The following GOPC variants were observed in gnomAD, a reference collection of about 807,000 sequenced individuals.
GOPC encodes golgi associated PDZ and coiled-coil motif containing.
Under a neutral mutation model 51.2 loss-of-function variants are expected in GOPC, and 32 were observed. The ratio of observed to expected loss-of-function variants is 0.63; its 90% CI spans 0.47 to 0.84. The LOEUF is 0.84. Among genes scored for constraint, GOPC ranks in the 40% least tolerant of loss-of-function variants. GOPC has a pLI of 0.00. For synonymous variants in GOPC, 190 were observed against 205.1 expected, an observed-to-expected ratio of 0.93 and a Z score of 0.63; for missense variants, 441 against 555.5, an observed-to-expected ratio of 0.79 and a Z score of 2.07.
chr6:117,573,505 T>C lies in GOPC; in HGVS notation c.778A>G (p.Asn260Asp). 1 of 1,614,076 alleles carries C rather than the reference T, an allele frequency of 6.2e-7. No homozygotes were observed. Among genetic ancestry groups the C allele is most frequent in the Non-Finnish European group, 8.5e-7 (1 of 1,179,964 alleles). Residue 260 changes from asparagine to aspartate, a missense_variant, in exon 5 of 9, where the codon AAT becomes GAT. This residue lies in a region of GOPC where 166 missense variants were observed against 267.0 expected (regional missense o/e 0.62). Coordinates refer to ENST00000368498, the MANE Select transcript of GOPC (RefSeq NM_020399.4). Reference protein sequence around the residue: ...KTVIRACRGRNDLKRPMQAPP... With the variant: ...KTVIRACRGRDDLKRPMQAPP... ...GCTTGCATTGGTCGTTTCAAGTCAT[T>C]ACGTCCTCTGCAGGCTCGGATCACA... is the stretch of plus-strand genomic sequence containing the variant.
In GOPC at chr6:117,598,207, A is replaced by T. The variant is rs550235946; in HGVS notation, c.285+3797T>A. 5.5e-4 allele frequency among the ~76,000 whole-genome samples: 83 copies of T among 151,464 alleles called. No individual in the cohort carries two copies. The South Asian group carries it at 7.1e-3, about 13-fold the overall frequency. ...AACCCCATCTCTACTAAAAAAAAAA[A>T]AAAATAAAATAGAAAAATTAGCTGA... On this transcript the variant is annotated intron_variant, in intron 1 of 8. Coordinates refer to ENST00000368498, the MANE Select transcript of GOPC (RefSeq NM_020399.4).
intron 1 of GOPC, 73 bp from the exon 2 acceptor site, chr6:117,579,137 G>C: frequency 8.2e-7 from 1 of 1,213,690 alleles, no homozygotes. Flanking sequence ...TGTTATTCAA[G>C]AATGACAACA....
At chr6:117,594,953 TA>T (rs1780172252) in intron 1 of GOPC, among the ~76,000 whole-genome samples, 1 of 152,310 alleles carries the variant, frequency 6.6e-6, no homozygotes, top group Admixed American at 6.5e-5. Flanking sequence ...CTAGTATTAC[TA>T]TTCCTACTGT....
At chr6:117,586,639 T>A (rs941716290) in intron 1 of GOPC, among the ~76,000 whole-genome samples, 1 of 151,672 alleles carries the variant, frequency 6.6e-6, no homozygotes, top group Non-Finnish European at 1.5e-5. Context: ...CCACCACCAC[T>A]CCCAGCTAAT....
chr6:117,576,724 G>A (rs1219167325), intron 3 of GOPC, among the ~76,000 whole-genome samples: 1 of 152,016 alleles, frequency 6.6e-6, no homozygotes, highest in African/African-American at 2.4e-5. Context: ...AGGTAAGCAA[G>A]AATAAGATGA....
chr6:117,589,397 G>A lies in GOPC; in HGVS notation c.286-10333C>T, dbSNP rs1261164700. ...TGCAATGGTGCAATCTCGGCTCACT[G>A]CAACCTCCACCTCCCGGGTTCAAGT... On this transcript the variant is annotated intron_variant, in intron 1 of 8. Transcript: ENST00000368498. Among the ~76,000 whole-genome samples the A allele has an allele frequency of 1.1e-3, 161 of 152,334 alleles. 4 individuals are homozygous for A. Among genetic ancestry groups the A allele is most frequent in the Non-Finnish European group, 8.8e-5 (6 of 68,036 alleles).
rs758189157 is a variant in GOPC, at chr6:117,578,934, T to C, written c.416A>G (p.Gln139Arg). 5 of 1,607,452 alleles carry C rather than the reference T, an allele frequency of 3.1e-6. No homozygotes were observed. In the African/African-American group the frequency reaches 6.7e-5, roughly 22 times the overall value. The part of the protein sequence containing the change: ...IQLQLHAKTG[Q>R]SADSGTIKAK... ...CTTAATGGTACCAGAGTCAGCACTT[T>C]GACCAGTTTTAGCATGAAGCTGCAG... is the stretch of plus-strand genomic sequence containing the variant. Residue 139 changes from glutamine (Q) to arginine (R), a missense_variant, in exon 2 of 9, where the codon CAA (glutamine) becomes CGA (arginine). Transcript: ENST00000368498.
intron 2 of GOPC, among the ~76,000 whole-genome samples, chr6:117,578,377 T>C (rs955538029): frequency 6.6e-6 from 1 of 152,134 alleles, no homozygotes; most frequent in African/African-American, 2.4e-5. Context: ...TTAATCCTTC[T>C]TCCTGCCTGA....
At chr6:117,563,981 T>C (rs990149864) in intron 8 of GOPC, among the ~76,000 whole-genome samples, 5 of 151,718 alleles carry the variant, frequency 3.3e-5, no homozygotes, top group African/African-American at 1.2e-4. Flanking sequence ...TTTTTTTTTT[T>C]TCTTTTTTTT....
In GOPC at chr6:117,563,289, C is replaced by T; in HGVS notation, c.1354G>A (p.Asp452Asn). The T allele has an allele frequency of 6.2e-7, 1 of 1,613,112 alleles. No individual in the cohort carries two copies. The highest frequency in any genetic ancestry group is 8.5e-7 in the Non-Finnish European group (1 of 1,179,226). ...TTTTTATGATACAGAGTGTGCAGATCATCTAATTTTGAAGCACCGTCATCT... is the reference window on the plus strand; with the variant it reads ...TTTTTATGATACAGAGTGTGCAGATTATCTAATTTTGAAGCACCGTCATCT... ...PLDDGASKLDDLHTLYHKKSY is the reference protein window; with the variant it reads ...PLDDGASKLDNLHTLYHKKSY The change falls in exon 9 of 9, where the codon GAT becomes AAT. Residue 452 changes from aspartate (D) to asparagine (N), a missense_variant. Coordinates refer to ENST00000368498, the MANE Select transcript of GOPC (RefSeq NM_020399.4).
intron 1 of GOPC, among the ~76,000 whole-genome samples, chr6:117,585,484 GT>G (rs1408717546): frequency 1.3e-5 from 2 of 152,102 alleles, no homozygotes; most frequent in African/African-American, 4.8e-5. Flanking sequence ...TTTTGATAAA[GT>G]TTTAGAAGGT....
At chr6:117,587,868 G>A (rs1354160272) in intron 1 of GOPC, among the ~76,000 whole-genome samples, 3 of 151,224 alleles carry the variant, frequency 2.0e-5, no homozygotes, top group Admixed American at 6.6e-5. Context: ...CACTGTTGAT[G>A]TTTTGTTTTA....
chr6:117,584,499 A>G (rs1315490652), intron 1 of GOPC, among the ~76,000 whole-genome samples: 2 of 152,130 alleles, frequency 1.3e-5, no homozygotes, highest in African/African-American at 4.8e-5. Context: ...TTTTATTATG[A>G]AGGATGTTAC....
At position 117,575,180 on chromosome 6, in the gene GOPC, C is replaced by T; in HGVS notation, c.647G>A (p.Gly216Glu). ...AAKYLDKELAGRVQQIQLLGR... is the reference protein window; with the variant it reads ...AAKYLDKELAERVQQIQLLGR... ...ATAATACCCATTTTTTACACACCTT[C>T]CTGCCAGTTCCTTATCCAAGTACTT... Residue 216 changes from glycine (G) to glutamate (E), a missense_variant, in exon 4 of 9, where the codon GGA (glycine) becomes GAA (glutamate). Around this residue, in one of 3 missense-constraint regions of GOPC, gnomAD observed 166 missense variants for 267.0 expected, o/e 0.62. Transcript: ENST00000368498. 1 of 1,597,000 alleles carries T rather than the reference C, an allele frequency of 6.3e-7. No homozygotes were observed. Among genetic ancestry groups the T allele is most frequent in the Non-Finnish European group, 8.5e-7 (1 of 1,174,892 alleles).
chr6:117,579,842 G>A (rs1373345351), intron 1 of GOPC, among the ~76,000 whole-genome samples: 2 of 151,836 alleles, frequency 1.3e-5, no homozygotes, highest in Non-Finnish European at 2.9e-5. Context: ...CCAGCACAAT[G>A]AGAAAAAAAA....
intron 8 of GOPC, among the ~76,000 whole-genome samples, chr6:117,563,647 A>G (rs1441399514): frequency 6.6e-6 from 1 of 151,994 alleles, no homozygotes; most frequent in African/African-American, 2.4e-5. Flanking sequence ...ACTTGAAGCC[A>G]GGAAGTGGAG....
chr6:117,569,888 G>A, intron 6 of GOPC, 152 bp from the exon 7 acceptor site: 2 of 851,442 alleles, frequency 2.3e-6, no homozygotes, highest in East Asian at 3.3e-5. Context: ...TGCTACTTAA[G>A]TAATGGTAAA....
At chr6:117,587,372 A>G (rs1340510751) in intron 1 of GOPC, among the ~76,000 whole-genome samples, 1 of 152,210 alleles carries the variant, frequency 6.6e-6, no homozygotes, top group East Asian at 1.9e-4. Flanking sequence ...TTAAAAAGCC[A>G]GTAAACCAGG....
rs920531359 is a variant in GOPC at position 117,566,881 on chromosome 6, T to G, written c.1231A>C (p.Thr411Pro). The stretch of plus-strand genomic sequence containing the variant: ...TGTAATACTTTGATTTCCCCACTTG[T>G]GTCTTTGCAACTAGCACCAGGGTTA... ...GGNPGASCKD[T>P]SGEIKVLQGF... The change falls in exon 8 of 9, where the codon ACA (threonine) becomes CCA (proline). Residue 411 changes from threonine (T) to proline (P), a missense_variant. Thr to Pro is a conservative substitution (Grantham distance 38). Transcript: ENST00000368498. 3.1e-6 allele frequency: 5 copies of G among 1,589,076 alleles called. No homozygotes were observed. In the African/African-American group the frequency reaches 6.8e-5, roughly 21 times the overall value.
Sources: allele counts gnomAD v4.1 joint callset (sites outside exome capture counted in the v4.1 genomes callset), GRCh38; gene constraint gnomAD v4.1.1; regional missense constraint gnomAD v4.1.1; transcripts MANE v1.5; gene names NCBI Gene and HGNC (gene_info 2026-07-23, HGNC 2026-07-21).